The following GRAMD1B variants were observed in gnomAD, a reference collection of about 807,000 sequenced individuals.
GRAMD1B encodes the protein protein Aster-B.
Under a neutral mutation model 99.7 loss-of-function variants are expected in GRAMD1B, and 37 were observed. The observed-to-expected ratio is 0.37, with a 90% CI of 0.29 to 0.49. The LOEUF (loss-of-function observed/expected upper bound fraction) is 0.49, where lower values mean the gene tolerates loss of function less well. GRAMD1B is among the 20% of genes least tolerant of loss of function. The pLI, the probability that GRAMD1B is intolerant of heterozygous loss-of-function variation, is 0.98. For missense variants in GRAMD1B, 888 were observed against 1,009.2 expected, an observed-to-expected ratio of 0.88 and a Z score of 1.63; for synonymous variants, 427 against 387.6, an observed-to-expected ratio of 1.10 and a Z score of -1.19.
Position 123,584,348 on chromosome 11 carries a change from TC to T in GRAMD1B, c.684+19del, listed in dbSNP as rs1949810519. 4 of 222,644 alleles carry T rather than the reference TC, an allele frequency of 1.8e-5. No individual in the cohort carries two copies. Among genetic ancestry groups the T allele is most frequent in the Non-Finnish European group, 2.6e-5 (4 of 152,130 alleles). 13.8% of individuals were successfully genotyped at this position (222,644 alleles called of 1,614,324 possible). ...TTGGTATAATGTAAGTATTCCTGTTTCCCTTCTTGTTGGGTACCTGAGAAAT... is the reference window on the plus strand; with the variant it reads ...TTGGTATAATGTAAGTATTCCTGTTTCCTTCTTGTTGGGTACCTGAGAAAT... On this transcript the variant is annotated intron_variant, in intron 4 of 19. Coordinates refer to ENST00000635736, the MANE Select transcript of GRAMD1B (RefSeq NM_001387025.1).
At chr11:123,431,479 G>C (rs1948886696) in intron 1 of GRAMD1B, among the ~76,000 whole-genome samples, 1 of 152,178 alleles carries the variant, frequency 6.6e-6, no homozygotes, top group Non-Finnish European at 1.5e-5. Flanking sequence ...AATAGTTATT[G>C]AGCCCTTACC....
chr11:123,483,703 C>CTTGACTG (rs1951736922), intron 2 of GRAMD1B, among the ~76,000 whole-genome samples: 1 of 152,132 alleles, frequency 6.6e-6, no homozygotes, highest in Non-Finnish European at 1.5e-5. Context: ...TCTGACCACA[C>CTTGACTG]TTGACTGTGG....
At chr11:123,551,218 G>A (rs897209085) in intron 2 of GRAMD1B, among the ~76,000 whole-genome samples, 2 of 152,234 alleles carry the variant, frequency 1.3e-5, no homozygotes, top group African/African-American at 4.8e-5. Context: ...GTCATTGGAT[G>A]CGGTCTGTCC....
chr11:123,529,221 G>T (rs541197669), intron 2 of GRAMD1B, among the ~76,000 whole-genome samples: 2 of 152,160 alleles, frequency 1.3e-5, no homozygotes, highest in Non-Finnish European at 2.9e-5. Flanking sequence ...AGATAAGTGC[G>T]GTGAACAGCA....
At chr11:123,396,200 C>CTT (rs1178349485) in intron 1 of GRAMD1B, among the ~76,000 whole-genome samples, 1 of 129,110 alleles carries the variant, frequency 7.7e-6, no homozygotes, top group African/African-American at 2.8e-5. Flanking sequence ...CTTTTCTTTC[C>CTT]TTTTTTTTTT....
intron 1 of GRAMD1B, among the ~76,000 whole-genome samples, chr11:123,373,528 AC>A (rs573290669): frequency 2.3e-3 from 353 of 152,342 alleles, no homozygotes; most frequent in Non-Finnish European, 3.6e-3. Flanking sequence ...TGATGCAGAA[AC>A]AGGGACCAAG....
At position 123,594,052 on chromosome 11, in the gene GRAMD1B, A is replaced by C. The variant is rs190410485; in HGVS notation, c.685-30A>C. The C allele has an allele frequency of 2.7e-6, 4 of 1,485,744 alleles. No homozygotes were observed. In the African/African-American group the frequency reaches 4.1e-5, roughly 15 times the overall value. 92.0% of individuals were successfully genotyped at this position (1,485,744 alleles called of 1,614,324 possible). On this transcript the variant is annotated intron_variant, in intron 4 of 19. Coordinates refer to ENST00000635736, the MANE Select transcript of GRAMD1B (RefSeq NM_001387025.1). ...TCCTAACCCCACAGAACCGGGGTAC[A>C]TCCTACTAACCTTGGCTATTGTCAC...
chr11:123,459,409 C>T (rs900891440), intron 1 of GRAMD1B: 1 of 151,860 alleles, frequency 6.6e-6, no homozygotes, highest in Non-Finnish European at 1.5e-5. Flanking sequence ...GTGTGAGCCA[C>T]CATACCTGGC....
intron 2 of GRAMD1B, among the ~76,000 whole-genome samples, chr11:123,550,810 T>C (rs1945533140): frequency 1.3e-5 from 2 of 152,052 alleles, no homozygotes. Context: ...TAAGCCAGAG[T>C]GTGGTCACTG....
chr11:123,358,518 G>A (rs1280685634), exon 1 of GRAMD1B: 1 of 152,116 alleles, frequency 6.6e-6, no homozygotes, highest in East Asian at 1.9e-4. Flanking sequence ...CGCCCCGCCT[G>A]GGCGCAGCCG....
chr11:123,512,703 CT>C lies in GRAMD1B; in HGVS notation c.452+31833del, dbSNP rs766565214. On this transcript the variant is annotated intron_variant, in intron 2 of 19. Transcript: ENST00000635736. Reference sequence around the variant, plus strand: ...GTCATTTCAAAGCAGCATTGTGAATCTTTTTTTTTTTTTTTTTTTTTTTAAC... The same window carrying C: ...GTCATTTCAAAGCAGCATTGTGAATCTTTTTTTTTTTTTTTTTTTTTTAAC... 4.3e-3 allele frequency among the ~76,000 whole-genome samples: 438 copies of C among 103,012 alleles called. 1 individual carries two copies. The highest frequency in any genetic ancestry group is 0.02 in the East Asian group (57 of 2,804). The allele number at this position is 103,012 out of a possible 152,430, so 67.6% of individuals were successfully genotyped here.
chr11:123,544,088 C>G (rs1255151341), intron 2 of GRAMD1B, among the ~76,000 whole-genome samples: 1 of 152,202 alleles, frequency 6.6e-6, no homozygotes, highest in Admixed American at 6.5e-5. Flanking sequence ...CTCCTTTGCT[C>G]ATGGCATTAT....
intron 3 of GRAMD1B, among the ~76,000 whole-genome samples, chr11:123,582,492 T>G (rs1760818571): frequency 6.6e-6 from 1 of 152,122 alleles, no homozygotes; most frequent in Admixed American, 6.5e-5. Flanking sequence ...TGGACCGTGG[T>G]GACAGGTTGG....
At chr11:123,561,764 C>T (rs1270812195) in intron 2 of GRAMD1B, among the ~76,000 whole-genome samples, 1 of 152,194 alleles carries the variant, frequency 6.6e-6, no homozygotes, top group African/African-American at 2.4e-5. Flanking sequence ...GAATGGTGGT[C>T]ATATTTCTAG....
intron 2 of GRAMD1B, among the ~76,000 whole-genome samples, chr11:123,541,607 T>C (rs1944538176): frequency 6.6e-6 from 1 of 152,072 alleles, no homozygotes; most frequent in South Asian, 2.1e-4. Flanking sequence ...GTTGGAACTC[T>C]TTAATAAAGA....
At chr11:123,476,098 C>T (rs1455279174) in intron 1 of GRAMD1B, among the ~76,000 whole-genome samples, 1 of 143,986 alleles carries the variant, frequency 6.9e-6, no homozygotes, top group Non-Finnish European at 1.5e-5. Context: ...GCAATTCATC[C>T]ATTTAACTTC....
chr11:123,526,248 G>C, intron 2 of GRAMD1B: 1 of 1,262,996 alleles, frequency 7.9e-7, no homozygotes, highest in South Asian at 1.3e-5. Flanking sequence ...CCCTCAAGAG[G>C]TCTCCTTCAT....
Position 123,573,695 on chromosome 11 carries a change from G to A in GRAMD1B, c.453-3672G>A, listed in dbSNP as rs116133409. 2.0e-3 allele frequency among the ~76,000 whole-genome samples: 299 copies of A among 152,278 alleles called. 2 individuals are homozygous for A. Among genetic ancestry groups the A allele is most frequent in the African/African-American group, 6.9e-3 (286 of 41,554 alleles). On this transcript the variant is annotated intron_variant, in intron 2 of 19. Transcript: ENST00000635736. The stretch of plus-strand genomic sequence containing the variant: ...TTCTTTGCAACTTCATGGGTTTGTT[G>A]GGGGGATTAAACGAAATAATATTTA...
rs549182342 is a variant in GRAMD1B, at chr11:123,534,575, C to T, written c.453-42792C>T. On this transcript the variant is annotated intron_variant, in intron 2 of 19. Coordinates refer to ENST00000635736, the MANE Select transcript of GRAMD1B (RefSeq NM_001387025.1). ...GAGTCCACTGAGATTTCAAGAGAGA[C>T]GAGCAGGCCTGGCGCAGTGGCTCAT... Among the ~76,000 whole-genome samples, 165 of 151,852 alleles carry T rather than the reference C, an allele frequency of 1.1e-3. 1 individual carries two copies. The highest frequency in any genetic ancestry group is 3.5e-3 in the African/African-American group (144 of 41,464).
Sources: allele counts gnomAD v4.1 joint callset (sites outside exome capture counted in the v4.1 genomes callset), GRCh38; gene constraint gnomAD v4.1.1; transcripts MANE v1.5; gene names NCBI Gene and HGNC (gene_info 2026-07-23, HGNC 2026-07-21).